DOCK11: variants seen among roughly 807,000 people sequenced by gnomAD.
DOCK11 encodes dedicator of cytokinesis protein 11.
In DOCK11, 70 loss-of-function variants were observed where a neutral mutation model predicts 169.1. The observed-to-expected ratio is 0.41, with a 90% CI of 0.34 to 0.51. The LOEUF (loss-of-function observed/expected upper bound fraction) is 0.51, where lower values mean the gene tolerates loss of function less well. Ranked by LOEUF, DOCK11 falls within the 20% of genes least tolerant of loss-of-function variation. The probability of loss-of-function intolerance (pLI) is 0.10; values close to 1 mark genes in which losing one functional copy is unlikely to be tolerated. For synonymous variants in DOCK11, 529 were observed against 541.3 expected (o/e 0.98, Z 0.32); for missense variants, 1,166 against 1,538.8 (o/e 0.76, Z 4.05).
intron 1 of DOCK11, among the ~76,000 whole-genome samples, chrX:118,520,296 T>G (rs1042260979): frequency 8.9e-6 from 1 of 112,489 alleles, no homozygotes; most frequent in Non-Finnish European, 1.9e-5. Context: ...AAATTCTTGC[T>G]GGCAGCATTA....
intron 1 of DOCK11, among the ~76,000 whole-genome samples, chrX:118,517,577 G>A (rs979005901): frequency 1.1e-4 from 12 of 110,059 alleles, no homozygotes; most frequent in Non-Finnish European, 2.3e-4. Flanking sequence ...TATGTGACAC[G>A]CATGTGTGTG....
intron 24 of DOCK11, among the ~76,000 whole-genome samples, chrX:118,607,227 C>G (rs1158004692): frequency 1.0e-5 from 1 of 96,638 alleles, no homozygotes; most frequent in African/African-American, 3.9e-5. Flanking sequence ...AGCAATTCTC[C>G]TGCCTCAGCC....
chrX:118,649,061 G>A lies in DOCK11; in HGVS notation c.4515G>A (p.Leu1505=). The change falls in exon 41 of 53, where the codon TTG becomes TTA. Residue 1505 remains leucine, a synonymous_variant. Coordinates refer to ENST00000276202, the MANE Select transcript of DOCK11 (RefSeq NM_144658.4). The stretch of plus-strand genomic sequence containing the variant: ...CCAGGAATGAAGCATCTGCACTTTT[G>A]TATCTTTTGATGAGAAACAACTTTG... ...SSTRNEASAL[L]YLLMRNNFEY... is the part of the protein sequence containing the mutation. The A allele has an allele frequency of 1.7e-6, 2 of 1,205,661 alleles. No homozygotes were observed. Among genetic ancestry groups the A allele is most frequent in the South Asian group, 1.8e-5 (1 of 56,411 alleles).
chrX:118,627,252 T>C, intron 32 of DOCK11, among the ~76,000 whole-genome samples: 1 of 98,641 alleles, frequency 1.0e-5, no homozygotes, highest in Admixed American at 1.0e-4. Context: ...AAAAAGACTG[T>C]ACCAGTTGCA....
intron 16 of DOCK11, 146 bp from the exon 17 acceptor site, chrX:118,587,991 A>G (rs1372632086): frequency 1.9e-6 from 1 of 514,187 alleles, no homozygotes; most frequent in Non-Finnish European, 2.9e-6. Context: ...TAAAGTTGTC[A>G]TGTGATTTTT....
intron 6 of DOCK11, among the ~76,000 whole-genome samples, chrX:118,549,071 T>C (rs113962701): frequency 9.5e-6 from 1 of 104,885 alleles, no homozygotes; most frequent in African/African-American, 3.9e-5. Context: ...CTAGGCTCTT[T>C]GCTTTGCCTC....
At chrX:118,523,617 G>A (rs1003179594) in intron 1 of DOCK11, among the ~76,000 whole-genome samples, 3 of 112,104 alleles carry the variant, frequency 2.7e-5, no homozygotes, top group Non-Finnish European at 3.8e-5. Flanking sequence ...TCAGCCTCAC[G>A]ATAGTCCTGA....
At chrX:118,546,262 A>T (rs1025045817) in intron 6 of DOCK11, 146 bp downstream of exon 6, 29 of 328,265 alleles carry the variant, frequency 8.8e-5, no homozygotes, top group Non-Finnish European at 1.5e-4. Context: ...TATGGAATTT[A>T]AAAAATCTAA....
At position 118,566,577 on chromosome X, in the gene DOCK11, A is replaced by G. The variant is rs777256129; in HGVS notation, c.875A>G (p.Asp292Gly). Residue 292 changes from aspartate (D) to glycine (G), a missense_variant, in exon 9 of 53, where the codon GAT (aspartate) becomes GGT (glycine). By Grantham distance (94) the Asp-to-Gly change is moderately conservative. Transcript: ENST00000276202. ...KKETVETAQD[D>G]ETSSQGKAEN... Reference sequence around the variant, plus strand: ...TCTGCTTTTAATGAATTTGCAGATGATGAAACTAGCAGCCAAGGAAAAGCC... The same window carrying G: ...TCTGCTTTTAATGAATTTGCAGATGGTGAAACTAGCAGCCAAGGAAAAGCC... 8.3e-7 allele frequency: 1 copy of G among 1,210,619 alleles called. No homozygotes were observed. The highest frequency in any genetic ancestry group is 1.1e-6 in the Non-Finnish European group (1 of 894,635).
intron 21 of DOCK11, 140 bp downstream of exon 21, chrX:118,597,692 G>A (rs2014211557): frequency 1.5e-6 from 1 of 653,725 alleles, no homozygotes; most frequent in Admixed American, 3.6e-5. Flanking sequence ...AGATAAACAT[G>A]GAATGTGCAT....
chrX:118,561,558 T>C, intron 7 of DOCK11, 41 bp downstream of exon 7: 1 of 1,136,897 alleles, frequency 8.8e-7, no homozygotes, highest in Non-Finnish European at 1.2e-6. Flanking sequence ...TCTAACAGGG[T>C]TATTGATAAA....
At chrX:118,573,460 TA>T (rs1016602359) in intron 11 of DOCK11, among the ~76,000 whole-genome samples, 1 of 112,913 alleles carries the variant, frequency 8.9e-6, no homozygotes, top group African/African-American at 3.2e-5. Flanking sequence ...ATATTGGCAT[TA>T]TTTTTTAGGT....
intron 50 of DOCK11, 26 bp from the exon 51 acceptor site, chrX:118,681,668 C>G: frequency 9.5e-7 from 1 of 1,056,323 alleles, no homozygotes. Flanking sequence ...TGGAAACACT[C>G]TCATTTTTCT....
At chrX:118,664,448 G>A (rs1007010743) in intron 45 of DOCK11, among the ~76,000 whole-genome samples, 1 of 110,694 alleles carries the variant, frequency 9.0e-6, no homozygotes, top group Non-Finnish European at 1.9e-5. Flanking sequence ...CTGAGGTCAG[G>A]AGTTCGAGAC....
Position 118,495,859 on chromosome X carries a change from C to T in DOCK11, c.-113C>T. The T allele has an allele frequency of 1.9e-5, 6 of 308,323 alleles. No individual in the cohort carries two copies. The highest frequency in any genetic ancestry group is 1.4e-3 in the Middle Eastern group (1 of 694). 25.4% of individuals were successfully genotyped at this position (308,323 alleles called of 1,213,427 possible). A position where few individuals can be genotyped will look rare whatever the true frequency, so the allele number is the denominator to read the frequency against. On this transcript the variant is annotated 5_prime_UTR_variant, in exon 1 of 53. Coordinates refer to ENST00000276202, the MANE Select transcript of DOCK11 (RefSeq NM_144658.4). ...CCGAGCTGCGATGTGGCCGGCCGGC[C>T]GGCGAGTAAACAGAGGGAGCAGCAG...
chrX:118,525,371 T>C (rs2011350549), intron 1 of DOCK11, among the ~76,000 whole-genome samples: 1 of 111,685 alleles, frequency 9.0e-6, no homozygotes, highest in Admixed American at 9.6e-5. Flanking sequence ...TGACACATGC[T>C]ACAATATGCA....
intron 11 of DOCK11, among the ~76,000 whole-genome samples, chrX:118,573,280 T>C (rs1219060808): frequency 8.9e-6 from 1 of 112,875 alleles, no homozygotes; most frequent in Non-Finnish European, 1.9e-5. Context: ...AATTTCTCTT[T>C]GTGACCATCT....
chrX:118,567,424 A>G (rs2013114499), intron 9 of DOCK11, among the ~76,000 whole-genome samples: 2 of 108,032 alleles, frequency 1.9e-5, no homozygotes, highest in Non-Finnish European at 3.8e-5. Flanking sequence ...ATGATCCTCT[A>G]ATCTAGGATT....
chrX:118,522,991 A>G (rs902901983), intron 1 of DOCK11, among the ~76,000 whole-genome samples: 2 of 112,510 alleles, frequency 1.8e-5, no homozygotes, highest in African/African-American at 6.5e-5. Context: ...CTGTTTTCCC[A>G]TTGATAAAAT....
Sources: allele counts gnomAD v4.1 joint callset (sites outside exome capture counted in the v4.1 genomes callset), GRCh38; gene constraint gnomAD v4.1.1; transcripts MANE v1.5; gene names NCBI Gene and HGNC (gene_info 2026-07-23, HGNC 2026-07-21).